Variants in FOXP1 observed in about 807,000 individuals in gnomAD.
FOXP1 encodes forkhead box P1, also known as forkhead box protein P1.
In FOXP1, 15 loss-of-function variants were observed where a neutral mutation model predicts 98.2. The observed-to-expected ratio is 0.15, with a 90% confidence interval of 0.10 to 0.24. FOXP1 has a LOEUF of 0.24. Ranked by LOEUF, FOXP1 falls within the 10% of genes least tolerant of loss-of-function variation. The pLI, the probability that FOXP1 is intolerant of heterozygous loss-of-function variation, is 1.00. For missense variants in FOXP1, 633 were observed against 848.5 expected (o/e 0.75, Z 3.15); for synonymous variants, 371 against 314.5 (o/e 1.18, Z -1.90).
chr3:71,202,251 A>C (rs1245635281), intron 5 of FOXP1, among the ~76,000 whole-genome samples: 1 of 152,240 alleles, frequency 6.6e-6, no homozygotes. Flanking sequence ...AATTGCAGAA[A>C]GGATTATTTT....
At chr3:71,373,900 G>T (rs141123976) in intron 3 of FOXP1, among the ~76,000 whole-genome samples, 1 of 152,166 alleles carries the variant, frequency 6.6e-6, no homozygotes, top group Non-Finnish European at 1.5e-5. Context: ...ATACACTGGG[G>T]TTTGCTGAAT....
chr3:71,237,231 GAAAAAAAAAAA>G (rs757405755), intron 5 of FOXP1, among the ~76,000 whole-genome samples: 10 of 28,284 alleles, frequency 3.5e-4, no homozygotes, highest in East Asian at 1.3e-3. Flanking sequence ...GACTCCATCT[GAAAAAAAAAAA>G]AAAAAAAAAA....
intron 9 of FOXP1, among the ~76,000 whole-genome samples, chr3:71,047,400 T>C (rs1218537288): frequency 6.6e-6 from 1 of 152,202 alleles, no homozygotes; most frequent in Non-Finnish European, 1.5e-5. Flanking sequence ...GACTTTGAAA[T>C]TTTTAATTAT....
Position 71,046,950 on chromosome 3 carries a change from A to G in FOXP1, c.656T>C (p.Leu219Pro). ...GTAAAATCAACGCATACCTTGAGCA[A>G]GAGGTTGAAGGGGAAGGGCAGGCTG... ...PGQPALPLQP[L>P]AQGMIPTELQ... Residue 219 changes from leucine (L) to proline (P), a missense_variant, in exon 10 of 21, where the codon CTT becomes CCT. Physicochemically the swap from Leu to Pro is moderately conservative, Grantham distance 98 (BLOSUM62 -3). Transcript: ENST00000649528. The G allele has an allele frequency of 6.2e-7, 1 of 1,614,056 alleles. No individual in the cohort carries two copies. Among genetic ancestry groups the G allele is most frequent in the Non-Finnish European group, 8.5e-7 (1 of 1,179,934 alleles).
In FOXP1 at chr3:71,368,639, C is replaced by T. The variant is rs185556235; in HGVS notation, c.-167-9395G>A. On this transcript the variant is annotated intron_variant, in intron 3 of 20. Transcript: ENST00000649528. ...GACTGTCACATGATAACTAATTTCA[C>T]TGCAATGTCTTCATCCTGGGTACAC... 7.1e-4 allele frequency among the ~76,000 whole-genome samples: 108 copies of T among 152,304 alleles called. 1 individual carries two copies. The highest frequency in any genetic ancestry group is 2.5e-3 in the African/African-American group (103 of 41,566).
chr3:71,459,159 G>T (rs1157788554), intron 3 of FOXP1, among the ~76,000 whole-genome samples: 1 of 152,150 alleles, frequency 6.6e-6, no homozygotes, highest in Admixed American at 6.5e-5. Context: ...ACAAATCAAG[G>T]TGCTAGTAGG....
At chr3:71,038,424 G>A (rs535219196) in intron 11 of FOXP1, among the ~76,000 whole-genome samples, 2 of 152,256 alleles carry the variant, frequency 1.3e-5, no homozygotes, top group East Asian at 1.9e-4. Context: ...GGAAGGACAC[G>A]TATTTCACAA....
At chr3:71,265,129 A>T (rs1039790417) in intron 5 of FOXP1, among the ~76,000 whole-genome samples, 19 of 152,272 alleles carry the variant, frequency 1.2e-4, no homozygotes, top group Middle Eastern at 3.4e-3. Flanking sequence ...TGGGGGAGGA[A>T]ATACAGAAAG....
chr3:71,501,009 T>A (rs1431895312), intron 2 of FOXP1, among the ~76,000 whole-genome samples: 1 of 152,044 alleles, frequency 6.6e-6, no homozygotes, highest in Non-Finnish European at 1.5e-5. Context: ...CTGGCCAACA[T>A]GGTGAAACCC....
chr3:71,331,056 G>A (rs556080009), intron 4 of FOXP1, among the ~76,000 whole-genome samples: 5 of 152,242 alleles, frequency 3.3e-5, no homozygotes, highest in South Asian at 2.1e-4. Context: ...CCTTCAGCCC[G>A]CCGCTGCACT....
At chr3:71,004,222 CA>C (rs1324746713) in intron 12 of FOXP1, among the ~76,000 whole-genome samples, 1 of 151,694 alleles carries the variant, frequency 6.6e-6, no homozygotes, top group Non-Finnish European at 1.5e-5. Flanking sequence ...TCACGGCTAC[CA>C]TACACTGGAT....
At position 71,348,535 on chromosome 3, in the gene FOXP1, G is replaced by GCGTC. The variant is rs1297785575; in HGVS notation, c.-73+10614_-73+10615insGACG. Among the ~76,000 whole-genome samples, 4 of 137,992 alleles carry GCGTC rather than the reference G, an allele frequency of 2.9e-5. No individual in the cohort carries two copies. In the East Asian group the frequency reaches 8.4e-4, roughly 29 times the overall value. The allele number at this position is 137,992 out of a possible 152,430, so 90.5% of individuals were successfully genotyped here. On this transcript the variant is annotated intron_variant, in intron 4 of 20. Coordinates refer to ENST00000649528, the MANE Select transcript of FOXP1 (RefSeq NM_001349338.3). ...TGTGTGTGTGTGCGTGTGTGTGTGT[G>GCGTC]TGTGTGTGTGTGTGCGTGCGCGCGC... is the stretch of plus-strand genomic sequence containing the variant.
chr3:71,230,495 T>C (rs1192476449), intron 5 of FOXP1, among the ~76,000 whole-genome samples: 1 of 152,190 alleles, frequency 6.6e-6, no homozygotes, highest in African/African-American at 2.4e-5. Context: ...GTTAAATGCA[T>C]CTCCTTTACC....
chr3:71,277,179 C>T (rs1193759404), intron 5 of FOXP1, among the ~76,000 whole-genome samples: 3 of 151,524 alleles, frequency 2.0e-5, no homozygotes, highest in East Asian at 1.9e-4. Flanking sequence ...AGGATCATCT[C>T]GATCTCCTGA....
At chr3:71,571,118 A>G (rs1250910275) in intron 2 of FOXP1, 1 of 152,232 alleles carries the variant, frequency 6.6e-6, no homozygotes, top group African/African-American at 2.4e-5. Flanking sequence ...CTCTATCCAC[A>G]GAGAAATGTC....
Position 71,559,376 on chromosome 3 carries a change from A to G in FOXP1, c.-298+22173T>C, listed in dbSNP as rs189549921. Among the ~76,000 whole-genome samples the G allele has an allele frequency of 1.4e-3, 215 of 152,380 alleles. 6 individuals carry two copies. The highest frequency in any genetic ancestry group is 0.012 in the Admixed American group (185 of 15,314). On this transcript the variant is annotated intron_variant, in intron 2 of 20. Transcript: ENST00000649528. The stretch of plus-strand genomic sequence containing the variant: ...GACAAACATAGTTTCTTATTCTTCT[A>G]TAAACAGAACCTTCATTTTCTCTTT...
chr3:71,006,028 T>A (rs2042767700), intron 12 of FOXP1, among the ~76,000 whole-genome samples: 1 of 152,098 alleles, frequency 6.6e-6, no homozygotes, highest in African/African-American at 2.4e-5. Flanking sequence ...AAAGGCAGCA[T>A]TATTTCAAAT....
intron 14 of FOXP1, among the ~76,000 whole-genome samples, chr3:70,978,986 G>T (rs2038189906): frequency 6.6e-6 from 1 of 151,974 alleles, no homozygotes; most frequent in East Asian, 1.9e-4. Flanking sequence ...AATAAAATAG[G>T]CCGGGCATGG....
chr3:71,027,407 A>T (rs1297140108), intron 11 of FOXP1, among the ~76,000 whole-genome samples: 2 of 152,234 alleles, frequency 1.3e-5, no homozygotes, highest in Non-Finnish European at 2.9e-5. Context: ...ATGAAGGGAC[A>T]AGTTAGCCAA....
Sources: gnomAD v4.1 joint callset for allele counts (sites outside exome capture counted in the v4.1 genomes callset) on GRCh38, gnomAD v4.1.1 for gene constraint, MANE v1.5 for transcripts, NCBI Gene and HGNC (gene_info 2026-07-23, HGNC 2026-07-21) for gene names.